SUSD4: variants seen among roughly 807,000 people sequenced by gnomAD.
The protein encoded by SUSD4 is sushi domain containing 4.
In SUSD4, 41 loss-of-function variants were observed where a neutral mutation model predicts 50.5. The ratio of observed to expected loss-of-function variants is 0.81; its 90% CI spans 0.63 to 1.05. SUSD4 has a LOEUF of 1.05. Among genes scored for constraint, SUSD4 ranks in the 50% least tolerant of loss-of-function variants. SUSD4 has a pLI of 0.00. For synonymous variants in SUSD4, 257 were observed against 257.3 expected, an observed-to-expected ratio of 1.00 and a Z score of 0.01; for missense variants, 580 against 634.7, an observed-to-expected ratio of 0.91 and a Z score of 0.93.
At chr1:223,235,742 A>T (rs1160311949) in intron 5 of SUSD4, among the ~76,000 whole-genome samples, 2 of 152,180 alleles carry the variant, frequency 1.3e-5, no homozygotes, top group African/African-American at 4.8e-5. Context: ...TGGATGTACC[A>T]TAGTTTATTT....
Position 223,223,441 on chromosome 1 carries a change from C to T in SUSD4, c.1252G>A (p.Gly418Arg), listed in dbSNP as rs1159791120. ...TCCCCTGGGCCTGTGTCCGTGTCCC[C>T]TGAGCCGGGGTATGCTGGGGGGCTC... ...DQSPPAYPGS[G>R]DTDTGPGESE... Residue 418 changes from glycine to arginine, a missense_variant, in exon 8 of 9, where the codon GGG (glycine) becomes AGG (arginine). Coordinates refer to ENST00000366878, the MANE Select transcript of SUSD4 (RefSeq NM_017982.4). 3.1e-6 allele frequency: 5 copies of T among 1,614,048 alleles called. No individual in the cohort carries two copies. Among genetic ancestry groups the T allele is most frequent in the Non-Finnish European group, 4.2e-6 (5 of 1,179,964 alleles).
chr1:223,307,501 G>A (rs1665613606), intron 2 of SUSD4, among the ~76,000 whole-genome samples: 1 of 152,048 alleles, frequency 6.6e-6, no homozygotes, highest in Admixed American at 6.6e-5. Flanking sequence ...TCTTTTTTTA[G>A]TGATACTGAA....
At chr1:223,286,762 G>A (rs573122248) in intron 3 of SUSD4, among the ~76,000 whole-genome samples, 1 of 152,334 alleles carries the variant, frequency 6.6e-6, no homozygotes, top group South Asian at 2.1e-4. Flanking sequence ...TGAGTGCCTG[G>A]GGCTGGCCAT....
At chr1:223,343,359 G>C (rs1667861259) in intron 2 of SUSD4, among the ~76,000 whole-genome samples, 1 of 152,078 alleles carries the variant, frequency 6.6e-6, no homozygotes, top group African/African-American at 2.4e-5. Context: ...ACTTTTTACA[G>C]CTTGTACTTA....
In SUSD4 at chr1:223,221,987, G is replaced by T; in HGVS notation, c.*205C>A. On this transcript the variant is annotated 3_prime_UTR_variant, in exon 9 of 9. Transcript: ENST00000366878. ...CTGCCCCGGTTCCCCATGGGTCTTG[G>T]TGAATCCTCAAATCTCATTTAAAAG... 1.8e-6 allele frequency: 1 copy of T among 554,482 alleles called. No individual in the cohort carries two copies. The highest frequency in any genetic ancestry group is 3.1e-6 in the Non-Finnish European group (1 of 317,818). The allele number at this position is 554,482 out of a possible 1,614,324, so 34.3% of individuals were successfully genotyped here. A position where few individuals can be genotyped will look rare whatever the true frequency, so the allele number is the denominator to read the frequency against.
At chr1:223,265,963 AC>A (rs777413794) in intron 4 of SUSD4, among the ~76,000 whole-genome samples, 6 of 152,164 alleles carry the variant, frequency 3.9e-5, no homozygotes, top group Non-Finnish European at 8.8e-5. Context: ...TCCTAAGCTG[AC>A]TTTGTTGGAC....
intron 2 of SUSD4, among the ~76,000 whole-genome samples, chr1:223,337,593 A>C (rs1667530378): frequency 6.6e-6 from 1 of 152,210 alleles, no homozygotes; most frequent in African/African-American, 2.4e-5. Flanking sequence ...CCATCTGTTC[A>C]AAAGGTGGCA....
At chr1:223,228,531 C>G (rs977877385) in intron 6 of SUSD4, among the ~76,000 whole-genome samples, 2 of 152,162 alleles carry the variant, frequency 1.3e-5, no homozygotes, top group African/African-American at 4.8e-5. Context: ...TGTGCTGGTG[C>G]CCCAGTCTCT....
At position 223,231,980 on chromosome 1, in the gene SUSD4, T is replaced by C. The variant is rs1659927906; in HGVS notation, c.725-2592A>G. Among the ~76,000 whole-genome samples, 1 of 152,180 alleles carries C rather than the reference T, an allele frequency of 6.6e-6. No individual in the cohort carries two copies. Among genetic ancestry groups the C allele is most frequent in the Non-Finnish European group, 1.5e-5 (1 of 68,032 alleles). ...AGGCAATATACACCACAGAATATTA[T>C]TCAGCCTTAAAAAGGAAGGAAATCC... On this transcript the variant is annotated intron_variant, in intron 5 of 8. Coordinates refer to ENST00000366878, the MANE Select transcript of SUSD4 (RefSeq NM_017982.4). The surrounding 1 kb of genome is among the most constrained non-coding windows in gnomAD (Gnocchi z 4.2).
At position 223,268,620 on chromosome 1, in the gene SUSD4, A is replaced by G. The variant is rs1383025684; in HGVS notation, c.417T>C (p.His139=). Residue 139 remains histidine (H), a synonymous_variant, in exon 4 of 9, where the codon CAT becomes CAC. Coordinates refer to ENST00000366878, the MANE Select transcript of SUSD4 (RefSeq NM_017982.4). The stretch of plus-strand genomic sequence containing the variant: ...GACAAGTGATGATTAGCTTCTCTCC[A>G]TGTCTATATGTCTTGTTATGAATCT... The part of the protein sequence containing the change: ...DAEIHNKTYR[H]GEKLIITCHE... The G allele has an allele frequency of 2.5e-6, 4 of 1,613,910 alleles. No individual in the cohort carries two copies. The Admixed American group carries it at 5.0e-5, about 20-fold the overall frequency.
At chr1:223,273,561 T>G (rs1363468849) in intron 3 of SUSD4, among the ~76,000 whole-genome samples, 1 of 152,242 alleles carries the variant, frequency 6.6e-6, no homozygotes, top group African/African-American at 2.4e-5. Context: ...ATCTGGTCCA[T>G]GCTAACATGG....
intron 2 of SUSD4, among the ~76,000 whole-genome samples, chr1:223,337,966 T>C (rs1194684462): frequency 6.6e-6 from 1 of 152,228 alleles, no homozygotes; most frequent in Non-Finnish European, 1.5e-5. Context: ...TCAAGGTTTC[T>C]GGACTCCTAG....
At chr1:223,230,416 G>C (rs1368824449) in intron 5 of SUSD4, 3 of 151,302 alleles carry the variant, frequency 2.0e-5, no homozygotes, top group African/African-American at 7.3e-5. Flanking sequence ...AAACGAAAAA[G>C]AGTTAACTTT....
At chr1:223,270,216 T>C (rs1228987021) in intron 3 of SUSD4, among the ~76,000 whole-genome samples, 1 of 152,174 alleles carries the variant, frequency 6.6e-6, no homozygotes, top group Non-Finnish European at 1.5e-5. Flanking sequence ...CAAATGCTTG[T>C]AAGCCCAGGT....
intron 5 of SUSD4, among the ~76,000 whole-genome samples, chr1:223,248,422 G>C (rs1661085477): frequency 6.6e-6 from 1 of 152,174 alleles, no homozygotes; most frequent in Admixed American, 6.5e-5. Flanking sequence ...CATTGCACCA[G>C]CCATCCCCAG....
At chr1:223,271,490 T>C (rs527710954) in intron 3 of SUSD4, among the ~76,000 whole-genome samples, 1 of 152,130 alleles carries the variant, frequency 6.6e-6, no homozygotes, top group Admixed American at 6.6e-5. Flanking sequence ...AGAGTCACCA[T>C]AGGGAGTGAT....
intron 3 of SUSD4, among the ~76,000 whole-genome samples, chr1:223,287,662 C>T (rs555513547): frequency 3.3e-5 from 5 of 152,186 alleles, no homozygotes; most frequent in African/African-American, 1.2e-4. Flanking sequence ...AACAAGCTAT[C>T]TGACAGACCT....
At chr1:223,313,125 T>G (rs961478936) in intron 2 of SUSD4, among the ~76,000 whole-genome samples, 4 of 152,168 alleles carry the variant, frequency 2.6e-5, no homozygotes, top group Non-Finnish European at 5.9e-5. Flanking sequence ...GATCTCCAGA[T>G]AGTTTATGCT....
At chr1:223,275,705 T>TCCCCGC (rs1663211786) in intron 3 of SUSD4, among the ~76,000 whole-genome samples, 1 of 152,022 alleles carries the variant, frequency 6.6e-6, no homozygotes, top group Non-Finnish European at 1.5e-5. Flanking sequence ...TTTTTATGGC[T>TCCCCGC]CCCAGCCCCC....
Sources: allele counts gnomAD v4.1 joint callset (sites outside exome capture counted in the v4.1 genomes callset), GRCh38; gene constraint gnomAD v4.1.1; non-coding constraint Gnocchi (gnomAD v3.1); transcripts MANE v1.5; gene names NCBI Gene and HGNC (gene_info 2026-07-23, HGNC 2026-07-21).